Variants in CLEC2A observed in about 807,000 individuals in gnomAD.
CLEC2A encodes the protein C-type lectin domain family 2 member A, also known as keratinocyte-associated C-type lectin.
CLEC2A carries 19 observed loss-of-function variants against 18.6 expected under a neutral mutation model. The ratio of observed to expected loss-of-function variants is 1.02; its 90% CI spans 0.71 to 1.50. CLEC2A has a LOEUF of 1.50. Among genes scored for constraint, CLEC2A ranks in the 40% most tolerant of loss-of-function variants. The pLI, the probability that CLEC2A is intolerant of heterozygous loss-of-function variation, is 0.00. For synonymous variants in CLEC2A, 74 were observed against 64.0 expected, an observed-to-expected ratio of 1.16 and a Z score of -0.75; for missense variants, 190 against 207.9, an observed-to-expected ratio of 0.91 and a Z score of 0.53.
At chr12:9,894,269 C>A (rs1452835159), downstream of CLEC2A, among the ~76,000 whole-genome samples, 4 of 151,530 alleles carry the variant, frequency 2.6e-5, no homozygotes, top group African/African-American at 9.7e-5. Flanking sequence ...GCAGATTTGA[C>A]CTTCTGGGCT....
chr12:9,919,504 C>T (rs1863129142), intron 3 of CLEC2A, among the ~76,000 whole-genome samples: 1 of 152,200 alleles, frequency 6.6e-6, no homozygotes, highest in Non-Finnish European at 1.5e-5. Context: ...GCAGCAAGGG[C>T]AGTTCCAGTG....
the CLEC2A span, chr12:9,881,480 C>T: frequency 1.4e-6 from 1 of 716,246 alleles, no homozygotes; most frequent in Non-Finnish European, 2.3e-6. Context: ...TATTTTTGGC[C>T]TTCCTTTTAG....
rs1283025703 is a variant in CLEC2A, at chr12:9,923,954, C to T, written c.140-1722G>A. ...GGGTTGGGGGAGTGGGGAGGGATAGCCCCCCTGTCGTGGGGTTGGGAGAGT... is the reference window on the plus strand; with the variant it reads ...GGGTTGGGGGAGTGGGGAGGGATAGTCCCCCTGTCGTGGGGTTGGGAGAGT... On this transcript the variant is annotated intron_variant, in intron 2 of 4. Coordinates refer to ENST00000455827, the MANE Select transcript of CLEC2A (RefSeq NM_001130711.2). Among the ~76,000 whole-genome samples, 3 of 151,660 alleles carry T rather than the reference C, an allele frequency of 2.0e-5. No homozygotes were observed. The East Asian group carries it at 5.8e-4, about 29-fold the overall frequency.
At chr12:9,925,132 T>C (rs894059005) in intron 2 of CLEC2A, among the ~76,000 whole-genome samples, 1 of 152,206 alleles carries the variant, frequency 6.6e-6, no homozygotes, top group African/African-American at 2.4e-5. Flanking sequence ...ACCTGCATCT[T>C]TAGGCTTTCA....
chr12:9,883,114 T>C, the CLEC2A span, among the ~76,000 whole-genome samples: 1 of 152,252 alleles, frequency 6.6e-6, no homozygotes, highest in Non-Finnish European at 1.5e-5. Flanking sequence ...GTGCTTGCTA[T>C]ACATTTGCTT....
At chr12:9,880,375 G>C in the CLEC2A span, among the ~76,000 whole-genome samples, 963 of 152,276 alleles carry the variant, frequency 6.3e-3, 9 homozygotes, top group African/African-American at 0.021. Flanking sequence ...ACTCACAAGT[G>C]ACATCCAGTG....
intron 3 of CLEC2A, among the ~76,000 whole-genome samples, chr12:9,921,028 G>T (rs767593177): frequency 2.3e-4 from 35 of 152,180 alleles, no homozygotes; most frequent in Non-Finnish European, 4.3e-4. Flanking sequence ...CATCTTGCCT[G>T]GGTTCAAATC....
chr12:9,931,316 G>C (rs1190525129), intron 1 of CLEC2A, among the ~76,000 whole-genome samples: 1 of 152,080 alleles, frequency 6.6e-6, no homozygotes, highest in Non-Finnish European at 1.5e-5. Flanking sequence ...TTCTTATGAA[G>C]TTTTCATAGA....
chr12:9,895,860 T>C, downstream of CLEC2A: 1 of 1,504,474 alleles, frequency 6.6e-7, no homozygotes, highest in Non-Finnish European at 8.8e-7. Flanking sequence ...AGAAATACTT[T>C]GCATGTTAAA....
intron 4 of CLEC2A, among the ~76,000 whole-genome samples, chr12:9,899,474 G>C (rs1862796203): frequency 6.6e-6 from 1 of 152,160 alleles, no homozygotes; most frequent in South Asian, 2.1e-4. Flanking sequence ...AAGTTGAATG[G>C]CTTGCCATTG....
chr12:9,888,077 TAAG>T, the CLEC2A span, among the ~76,000 whole-genome samples: 1 of 101,302 alleles, frequency 9.9e-6, no homozygotes, highest in Admixed American at 9.4e-5. Flanking sequence ...AAAAAAAAGT[TAAG>T]AATAGTAATA....
downstream of CLEC2A, among the ~76,000 whole-genome samples, chr12:9,910,726 T>C (rs1341382091): frequency 7.9e-6 from 1 of 126,500 alleles, no homozygotes; most frequent in Non-Finnish European, 1.6e-5. Flanking sequence ...GTTGCCGTGG[T>C]AGGTAGGTAA....
At chr12:9,912,326 C>A (rs1862999378), downstream of CLEC2A, among the ~76,000 whole-genome samples, 2 of 152,158 alleles carry the variant, frequency 1.3e-5, no homozygotes, top group South Asian at 4.1e-4. Context: ...GTCCCAACCC[C>A]TGCATGGAGG....
chr12:9,922,193 C>T lies in CLEC2A; in HGVS notation c.179G>A (p.Gly60Glu). The T allele has an allele frequency of 1.9e-6, 3 of 1,550,308 alleles. No homozygotes were observed. The highest frequency in any genetic ancestry group is 2.6e-6 in the Non-Finnish European group (3 of 1,146,400). Residue 60 changes from glycine (G) to glutamate (E), a missense_variant, in exon 3 of 5, where the codon GGG becomes GAG. Gly to Glu is a moderately conservative substitution (Grantham distance 98). Coordinates refer to ENST00000455827, the MANE Select transcript of CLEC2A (RefSeq NM_001130711.2). The part of the protein sequence containing the change: ...SKHAKPVACS[G>E]DWLGVRDKCF... ...CTTATCTCTCACTCCAAGCCAGTCC[C>T]CTGAACATGCCACAGGTTTAGCATG...
At chr12:9,894,126 TTCTC>T (rs141327204), downstream of CLEC2A, among the ~76,000 whole-genome samples, 3,403 of 130,256 alleles carry the variant, frequency 0.026, 56 homozygotes, top group Middle Eastern at 0.051. Context: ...TTTCTTTTCT[TTCTC>T]TCTCTCTCTC....
chr12:9,928,618 A>G (rs983935143), intron 1 of CLEC2A, among the ~76,000 whole-genome samples: 1 of 152,244 alleles, frequency 6.6e-6, no homozygotes, highest in African/African-American at 2.4e-5. Context: ...AAAGACTGGT[A>G]TCGAAAATAC....
chr12:9,887,375 C>T, the CLEC2A span, among the ~76,000 whole-genome samples: 1 of 152,086 alleles, frequency 6.6e-6, no homozygotes, highest in East Asian at 1.9e-4. Context: ...AATTAGTTTT[C>T]CCCCAAAGCA....
intron 3 of CLEC2A, among the ~76,000 whole-genome samples, chr12:9,919,741 G>T (rs982292855): frequency 2.6e-5 from 4 of 152,144 alleles, no homozygotes; most frequent in African/African-American, 7.2e-5. Flanking sequence ...ATTTACCTCG[G>T]ATTTTCTGAT....
At chr12:9,917,960 G>C (rs966585574) in intron 3 of CLEC2A, among the ~76,000 whole-genome samples, 2 of 151,868 alleles carry the variant, frequency 1.3e-5, no homozygotes, top group Non-Finnish European at 2.9e-5. Flanking sequence ...TTTTTCTCTT[G>C]TAAATTTGTT....
Sources: gnomAD v4.1 joint callset for allele counts (sites outside exome capture counted in the v4.1 genomes callset) on GRCh38, gnomAD v4.1.1 for gene constraint, MANE v1.5 for transcripts, NCBI Gene and HGNC (gene_info 2026-07-23, HGNC 2026-07-21) for gene names.